The following GRIN2A variants were observed in gnomAD, a reference collection of about 807,000 sequenced individuals.
The protein encoded by GRIN2A is glutamate receptor ionotropic, NMDA 2A.
GRIN2A carries 22 observed loss-of-function variants against 113.4 expected under a neutral mutation model. That is an observed-to-expected ratio of 0.19 (90% CI 0.14 to 0.28). GRIN2A has a LOEUF of 0.28. GRIN2A is among the 10% of genes least tolerant of loss of function. The pLI is 1.00. For missense variants in GRIN2A, 1,502 were observed against 1,887.0 expected (o/e 0.80, Z 3.78); for synonymous variants, 827 against 738.4 (o/e 1.12, Z -1.94).
At position 9,757,399 on chromosome 16, in the gene GRIN2A, A is replaced by G. The variant is rs1442689649; in HGVS notation, c.*5750T>C. ...AAAAAAGGTATGCTCATAGAATCAG[A>G]TTATTTTTTTTTTCCTGGCTACAAC... On this transcript the variant is annotated 3_prime_UTR_variant, in exon 13 of 13. Coordinates refer to ENST00000330684, the MANE Select transcript of GRIN2A (RefSeq NM_001134407.3). The G allele has an allele frequency of 4.5e-6, 1 of 224,004 alleles. No individual in the cohort carries two copies. Among genetic ancestry groups the G allele is most frequent in the African/African-American group, 2.3e-5 (1 of 44,168 alleles). 13.9% of individuals were successfully genotyped at this position (224,004 alleles called of 1,614,324 possible).
chr16:9,925,809 G>A (rs2044452933), intron 3 of GRIN2A, among the ~76,000 whole-genome samples: 1 of 152,102 alleles, frequency 6.6e-6, no homozygotes, highest in African/African-American at 2.4e-5. Flanking sequence ...AGGTAAATAA[G>A]ACCATTAAAT....
At chr16:10,142,360 G>A (rs996972834) in intron 2 of GRIN2A, among the ~76,000 whole-genome samples, 2 of 152,122 alleles carry the variant, frequency 1.3e-5, no homozygotes, top group Non-Finnish European at 2.9e-5. Context: ...CTCCATACAC[G>A]TCAGAGCCCT....
chr16:9,898,150 G>A (rs755932970), intron 3 of GRIN2A, among the ~76,000 whole-genome samples: 3 of 142,066 alleles, frequency 2.1e-5, no homozygotes, highest in South Asian at 2.2e-4. Flanking sequence ...TTCATAGTTC[G>A]CATAAAATGC....
At chr16:9,955,734 G>C (rs912719086) in intron 2 of GRIN2A, among the ~76,000 whole-genome samples, 12 of 152,286 alleles carry the variant, frequency 7.9e-5, no homozygotes, top group Admixed American at 6.5e-4. Flanking sequence ...TTTTGGTTTT[G>C]TTTTGGTTTA....
chr16:10,039,805 G>GGAGGA (rs1449499464), intron 2 of GRIN2A, among the ~76,000 whole-genome samples: 41 of 108,494 alleles, frequency 3.8e-4, no homozygotes, highest in Admixed American at 6.5e-4. Flanking sequence ...AGGGGGAGGG[G>GGAGGA]GGGGAGAAAG....
intron 2 of GRIN2A, among the ~76,000 whole-genome samples, chr16:10,018,201 C>A (rs529470668): frequency 6.6e-6 from 1 of 152,106 alleles, no homozygotes; most frequent in Non-Finnish European, 1.5e-5. Flanking sequence ...GTTTAGGAGG[C>A]AAAGCAGATG....
At chr16:10,099,545 C>T (rs1367838140) in intron 2 of GRIN2A, among the ~76,000 whole-genome samples, 2 of 152,126 alleles carry the variant, frequency 1.3e-5, no homozygotes, top group African/African-American at 4.8e-5. Flanking sequence ...GGTGGTTTTT[C>T]ACAAGGATGA....
At position 9,770,873 on chromosome 16, in the gene GRIN2A, C is replaced by T. The variant is rs372843943; in HGVS notation, c.2357-1784G>A. 3.6e-3 allele frequency among the ~76,000 whole-genome samples: 548 copies of T among 152,282 alleles called. 6 individuals are homozygous for T. Among genetic ancestry groups the T allele is most frequent in the African/African-American group, 0.012 (516 of 41,558 alleles). ...ATATACTACCTCTCCCCGCTCCCTT[C>T]GGTTTTCCCTGTTAACATCTTGCAT... is the stretch of plus-strand genomic sequence containing the variant. On this transcript the variant is annotated intron_variant, in intron 11 of 12. Coordinates refer to ENST00000330684, the MANE Select transcript of GRIN2A (RefSeq NM_001134407.3).
intron 2 of GRIN2A, among the ~76,000 whole-genome samples, 179 bp from the exon 3 acceptor site, chr16:9,938,730 C>T (rs758722333): frequency 2.6e-5 from 4 of 152,136 alleles, no homozygotes; most frequent in Non-Finnish European, 5.9e-5. Context: ...AGGACAGAAG[C>T]CCCTGTACTC....
intron 4 of GRIN2A, among the ~76,000 whole-genome samples, chr16:9,873,399 G>T (rs1220868856): frequency 6.6e-6 from 1 of 152,134 alleles, no homozygotes; most frequent in African/African-American, 2.4e-5. Flanking sequence ...TCACCAACCT[G>T]AATGCCAAAA....
rs1321302674 is a variant in GRIN2A at position 9,755,810 on chromosome 16, T to C, written c.*7339A>G. The C allele has an allele frequency of 4.9e-6, 1 of 202,652 alleles. No homozygotes were observed. The highest frequency in any genetic ancestry group is 1.0e-5 in the Non-Finnish European group (1 of 98,550). 12.6% of individuals were successfully genotyped at this position (202,652 alleles called of 1,614,324 possible). ...TGGGACAGAATAACCGTCATTATCC[T>C]AATGCTAAGTGAGCCGGGAATTATC... is the stretch of plus-strand genomic sequence containing the variant. On this transcript the variant is annotated 3_prime_UTR_variant, in exon 13 of 13. Transcript: ENST00000330684.
chr16:9,828,579 C>T (rs2042429808), intron 9 of GRIN2A, among the ~76,000 whole-genome samples: 1 of 152,192 alleles, frequency 6.6e-6, no homozygotes, highest in East Asian at 1.9e-4. Context: ...GCTGCAATCT[C>T]AACACTTGCT....
chr16:9,912,644 A>C (rs924658995), intron 3 of GRIN2A, among the ~76,000 whole-genome samples: 2 of 152,128 alleles, frequency 1.3e-5, no homozygotes, highest in Non-Finnish European at 2.9e-5. Context: ...TTCATGTTTA[A>C]AATCTGCATA....
At chr16:10,042,957 A>C (rs1458647706) in intron 2 of GRIN2A, among the ~76,000 whole-genome samples, 4 of 152,210 alleles carry the variant, frequency 2.6e-5, no homozygotes, top group African/African-American at 4.8e-5. Context: ...TGGGCCACTG[A>C]ATCCATCAGT....
intron 10 of GRIN2A, among the ~76,000 whole-genome samples, chr16:9,809,855 G>T (rs2042052538): frequency 1.3e-5 from 2 of 152,174 alleles, no homozygotes; most frequent in Admixed American, 1.3e-4. Context: ...ATCCCCTGAG[G>T]TCGGGAGTTC....
At chr16:10,166,491 A>T (rs1420942382) in intron 2 of GRIN2A, among the ~76,000 whole-genome samples, 1 of 152,134 alleles carries the variant, frequency 6.6e-6, no homozygotes, top group African/African-American at 2.4e-5. Flanking sequence ...CCAGGACACA[A>T]GCCTCTTCCA....
At chr16:9,943,952 G>A (rs2044954257) in intron 2 of GRIN2A, among the ~76,000 whole-genome samples, 3 of 152,182 alleles carry the variant, frequency 2.0e-5, no homozygotes, top group Admixed American at 6.5e-5. Context: ...AGGTATTCAA[G>A]TTAGTATCTT....
chr16:9,770,182 G>C (rs780330460), intron 11 of GRIN2A, among the ~76,000 whole-genome samples: 25 of 151,868 alleles, frequency 1.6e-4, no homozygotes, highest in Admixed American at 1.4e-3. Flanking sequence ...CTTAGACTAT[G>C]ATTCAGCCTT....
chr16:9,850,946 G>T (rs879068427), intron 4 of GRIN2A, among the ~76,000 whole-genome samples: 2 of 152,040 alleles, frequency 1.3e-5, no homozygotes, highest in African/African-American at 2.4e-5. Context: ...GCTCCCACAC[G>T]CCATTGCTTG....
Sources: allele counts gnomAD v4.1 joint callset (sites outside exome capture counted in the v4.1 genomes callset), GRCh38; gene constraint gnomAD v4.1.1; transcripts MANE v1.5; gene names NCBI Gene and HGNC (gene_info 2026-07-23, HGNC 2026-07-21).